Variants in SLC9A9 observed in about 807,000 individuals in gnomAD.
SLC9A9 encodes the protein sodium/hydrogen exchanger 9.
A neutral mutation model predicts 77.8 loss-of-function variants in SLC9A9; 62 were observed. That is an observed-to-expected ratio of 0.80 (90% CI 0.65 to 0.98). The LOEUF is 0.98. SLC9A9 is among the 50% of genes least tolerant of loss of function. The pLI is 0.00. For missense variants in SLC9A9, 775 were observed against 774.9 expected, an observed-to-expected ratio of 1.00 and a Z score of 0.00; for synonymous variants, 320 against 283.5, an observed-to-expected ratio of 1.13 and a Z score of -1.29.
intron 11 of SLC9A9, among the ~76,000 whole-genome samples, chr3:143,481,740 C>T (rs569788675): frequency 2.6e-5 from 4 of 152,216 alleles, no homozygotes; most frequent in South Asian, 2.1e-4. Flanking sequence ...GCCTAAGGAC[C>T]ACACTTTTGG....
intron 12 of SLC9A9, among the ~76,000 whole-genome samples, chr3:143,387,323 T>C (rs903686741): frequency 6.6e-6 from 1 of 151,898 alleles, no homozygotes. Context: ...CTATAAAGAA[T>C]AGGTGCCCAT....
intron 12 of SLC9A9, among the ~76,000 whole-genome samples, chr3:143,396,235 G>A (rs1281804640): frequency 6.6e-6 from 1 of 152,198 alleles, no homozygotes; most frequent in Non-Finnish European, 1.5e-5. Flanking sequence ...TTAAGAAAAT[G>A]TGGCACATAT....
At position 143,332,511 on chromosome 3, in the gene SLC9A9, T is replaced by C. The variant is rs78409202; in HGVS notation, c.1604+30973A>G. Among the ~76,000 whole-genome samples, 175 of 152,278 alleles carry C rather than the reference T, an allele frequency of 1.1e-3. 1 individual carries two copies. The highest frequency in any genetic ancestry group is 4.2e-3 in the African/African-American group (174 of 41,548). ...GAGAATCTTGAATCAGGAAAACCAATAGGAAACTGTTTAATAGTTCAAGTC... is the reference window on the plus strand; with the variant it reads ...GAGAATCTTGAATCAGGAAAACCAACAGGAAACTGTTTAATAGTTCAAGTC... On this transcript the variant is annotated intron_variant, in intron 14 of 15. Coordinates refer to ENST00000316549, the MANE Select transcript of SLC9A9 (RefSeq NM_173653.4).
chr3:143,556,870 C>T (rs920407563), intron 8 of SLC9A9, among the ~76,000 whole-genome samples: 4 of 152,172 alleles, frequency 2.6e-5, no homozygotes, highest in African/African-American at 4.8e-5. Context: ...TGTATCTTTG[C>T]TGTCATAACT....
At chr3:143,306,749 T>C (rs2030802140) in intron 14 of SLC9A9, among the ~76,000 whole-genome samples, 1 of 152,158 alleles carries the variant, frequency 6.6e-6, no homozygotes, top group Admixed American at 6.5e-5. Context: ...GTCAGAGTGA[T>C]GGTTCTAAAA....
At chr3:143,480,210 C>G (rs1168371324) in intron 11 of SLC9A9, among the ~76,000 whole-genome samples, 1 of 152,194 alleles carries the variant, frequency 6.6e-6, no homozygotes, top group Non-Finnish European at 1.5e-5. Flanking sequence ...ACCTAACTGG[C>G]TGGTTAAAAA....
chr3:143,672,636 G>A (rs1252347934), intron 5 of SLC9A9, among the ~76,000 whole-genome samples: 1 of 152,102 alleles, frequency 6.6e-6, no homozygotes, highest in Admixed American at 6.5e-5. Context: ...TTTAATTATA[G>A]GTTCTTGGGT....
At chr3:143,281,349 T>C (rs1013530206) in intron 14 of SLC9A9, among the ~76,000 whole-genome samples, 1 of 152,140 alleles carries the variant, frequency 6.6e-6, no homozygotes, top group Non-Finnish European at 1.5e-5. Flanking sequence ...GTCTAACCTA[T>C]TCTAATACAG....
chr3:143,615,030 C>G (rs546143700), intron 6 of SLC9A9, among the ~76,000 whole-genome samples: 1 of 152,152 alleles, frequency 6.6e-6, no homozygotes, highest in Admixed American at 6.5e-5. Flanking sequence ...AGCATGGCTT[C>G]TCCAGGGGTG....
At chr3:143,507,205 T>A (rs1453830817) in intron 9 of SLC9A9, among the ~76,000 whole-genome samples, 1 of 151,356 alleles carries the variant, frequency 6.6e-6, no homozygotes, top group African/African-American at 2.4e-5. Context: ...ATCATTATTA[T>A]TATTATTATT....
intron 8 of SLC9A9, among the ~76,000 whole-genome samples, chr3:143,566,408 C>T (rs550719916): frequency 4.6e-4 from 70 of 152,260 alleles, no homozygotes; most frequent in African/African-American, 1.6e-3. Flanking sequence ...TTCTTTCAGA[C>T]ATCTTGGTCA....
intron 7 of SLC9A9, among the ~76,000 whole-genome samples, chr3:143,574,433 A>G (rs2037322092): frequency 6.6e-6 from 1 of 152,190 alleles, no homozygotes; most frequent in African/African-American, 2.4e-5. Context: ...CAGATTAAAA[A>G]GGTGTCTTCC....
intron 14 of SLC9A9, among the ~76,000 whole-genome samples, chr3:143,307,671 T>C (rs1034706415): frequency 2.0e-5 from 3 of 152,206 alleles, no homozygotes; most frequent in African/African-American, 4.8e-5. Flanking sequence ...CTGGTCCCTC[T>C]GGCCTCTGTT....
chr3:143,624,609 C>T (rs1284364412), intron 6 of SLC9A9, among the ~76,000 whole-genome samples: 1 of 152,122 alleles, frequency 6.6e-6, no homozygotes, highest in Non-Finnish European at 1.5e-5. Flanking sequence ...ATTGATGGGA[C>T]ATATCTCAAA....
At chr3:143,410,574 C>G (rs1376198845) in intron 12 of SLC9A9, among the ~76,000 whole-genome samples, 1 of 152,202 alleles carries the variant, frequency 6.6e-6, no homozygotes, top group African/African-American at 2.4e-5. Context: ...CATTTTGATC[C>G]TGCTGCTTCT....
At chr3:143,764,626 G>A (rs965862376) in intron 4 of SLC9A9, among the ~76,000 whole-genome samples, 2 of 152,174 alleles carry the variant, frequency 1.3e-5, no homozygotes, top group African/African-American at 4.8e-5. Context: ...CAGTGCAGTG[G>A]TGTGATAATG....
intron 11 of SLC9A9, among the ~76,000 whole-genome samples, chr3:143,491,159 G>A (rs1482218826): frequency 1.3e-5 from 2 of 152,102 alleles, no homozygotes; most frequent in African/African-American, 4.8e-5. Flanking sequence ...ACACTGGGTC[G>A]CATTCTCTGG....
chr3:143,759,169 C>T (rs1436458921), intron 4 of SLC9A9, among the ~76,000 whole-genome samples: 1 of 152,014 alleles, frequency 6.6e-6, no homozygotes, highest in African/African-American at 2.4e-5. Context: ...ATTAGGCTCC[C>T]CAGCCTCCTT....
At chr3:143,630,438 T>G (rs1281664049) in intron 6 of SLC9A9, among the ~76,000 whole-genome samples, 1 of 152,196 alleles carries the variant, frequency 6.6e-6, no homozygotes, top group African/African-American at 2.4e-5. Context: ...GCTCTGAACA[T>G]GCCAGTTTAT....
Sources: allele counts gnomAD v4.1 joint callset (sites outside exome capture counted in the v4.1 genomes callset), GRCh38; gene constraint gnomAD v4.1.1; transcripts MANE v1.5; gene names NCBI Gene and HGNC (gene_info 2026-07-23, HGNC 2026-07-21).